Variants in AFF3 observed in about 807,000 individuals in gnomAD.
The protein encoded by AFF3 is ALF transcription elongation factor 3, also known as AF4/FMR2 family member 3.
In AFF3, 32 loss-of-function variants were observed where a neutral mutation model predicts 129.7. That is an observed-to-expected ratio of 0.25 (90% CI 0.19 to 0.33). The LOEUF is 0.33. Among genes scored for constraint, AFF3 ranks in the 10% least tolerant of loss-of-function variants. The pLI is 1.00. For synonymous variants in AFF3, 644 were observed against 635.4 expected (o/e 1.01, Z -0.20); for missense variants, 1,373 against 1,592.0 (o/e 0.86, Z 2.34).
At chr2:99,810,095 CAA>C (rs1686671385) in intron 8 of AFF3, among the ~76,000 whole-genome samples, 1 of 152,204 alleles carries the variant, frequency 6.6e-6, no homozygotes, top group African/African-American at 2.4e-5. Flanking sequence ...TCAGGAATTT[CAA>C]AGTCTTCCTG....
intron 4 of AFF3, among the ~76,000 whole-genome samples, chr2:100,057,726 CAAAG>C (rs1011509193): frequency 1.3e-5 from 2 of 152,106 alleles, no homozygotes; most frequent in Non-Finnish European, 2.9e-5. Context: ...CTCATCTTGA[CAAAG>C]AAATCTTTGT....
intron 10 of AFF3, among the ~76,000 whole-genome samples, chr2:99,740,497 T>C (rs1443907051): frequency 1.4e-5 from 2 of 144,594 alleles, no homozygotes; most frequent in Non-Finnish European, 3.1e-5. Context: ...TTTTTAATGA[T>C]TGCCATTCTA....
At chr2:99,710,782 C>T (rs1290045382) in intron 11 of AFF3, among the ~76,000 whole-genome samples, 1 of 152,176 alleles carries the variant, frequency 6.6e-6, no homozygotes, top group African/African-American at 2.4e-5. Flanking sequence ...GTGGAATTCT[C>T]TGCGGTAGAA....
At position 99,723,507 on chromosome 2, in the gene AFF3, G is replaced by A. The variant is rs1049934975; in HGVS notation, c.1091+3570C>T. Among the ~76,000 whole-genome samples the A allele has an allele frequency of 2.0e-5, 3 of 152,280 alleles. No homozygotes were observed. In the East Asian group the frequency reaches 5.8e-4, roughly 29 times the overall value. On this transcript the variant is annotated intron_variant, in intron 11 of 24. Coordinates refer to ENST00000672756, the MANE Select transcript of AFF3 (RefSeq NM_001386135.1). ...GTTCCACCACACCATGAATATGAGA[G>A]AGGCATCTTTCCCAGTGCCCCATGC... is the stretch of plus-strand genomic sequence containing the variant.
chr2:99,799,017 A>G (rs1685744945), intron 8 of AFF3, among the ~76,000 whole-genome samples: 1 of 152,050 alleles, frequency 6.6e-6, no homozygotes, highest in Non-Finnish European at 1.5e-5. Context: ...TAGTTTCACA[A>G]AGTTGCAGGA....
chr2:99,638,227 T>G (rs1683848003), intron 13 of AFF3, among the ~76,000 whole-genome samples: 1 of 152,044 alleles, frequency 6.6e-6, no homozygotes, highest in East Asian at 1.9e-4. Context: ...ACCCGACTAA[T>G]TTTTGTATTT....
At chr2:99,675,982 T>G (rs933242802) in intron 11 of AFF3, among the ~76,000 whole-genome samples, 1 of 136,488 alleles carries the variant, frequency 7.3e-6, no homozygotes, top group Admixed American at 7.2e-5. Context: ...GATCTCCTAC[T>G]GTTTTTTTTT....
In AFF3 at chr2:99,590,767, C is replaced by T. The variant is rs1345816876; in HGVS notation, c.2466+2428G>A. On this transcript the variant is annotated intron_variant, in intron 15 of 24. Coordinates refer to ENST00000672756, the MANE Select transcript of AFF3 (RefSeq NM_001386135.1). ...CAGCACTTTAGGAGGCCGAGGCAGG[C>T]GGATCACCTGAGGTTGGGAGTTCGA... Among the ~76,000 whole-genome samples the T allele has an allele frequency of 3.9e-5, 6 of 152,094 alleles. No individual in the cohort carries two copies. The South Asian group carries it at 1.0e-3, about 26-fold the overall frequency.
intron 7 of AFF3, among the ~76,000 whole-genome samples, chr2:99,976,062 A>G (rs1471230592): frequency 6.6e-6 from 1 of 151,980 alleles, no homozygotes; most frequent in Non-Finnish European, 1.5e-5. Flanking sequence ...TTTTTCTACA[A>G]TGCTCACAGC....
intron 8 of AFF3, among the ~76,000 whole-genome samples, chr2:99,832,569 G>T (rs992330562): frequency 1.3e-5 from 2 of 152,168 alleles, no homozygotes; most frequent in Non-Finnish European, 2.9e-5. Context: ...AAGGGCTTTT[G>T]GTTTCACCCC....
intron 4 of AFF3, among the ~76,000 whole-genome samples, chr2:100,046,834 T>C (rs914930523): frequency 3.3e-5 from 5 of 152,106 alleles, no homozygotes; most frequent in African/African-American, 1.2e-4. Flanking sequence ...TCTTGTCCAA[T>C]GGCTGTGTAA....
chr2:100,063,946 G>A (rs1048931676), intron 4 of AFF3, among the ~76,000 whole-genome samples: 5 of 151,734 alleles, frequency 3.3e-5, no homozygotes, highest in Non-Finnish European at 7.4e-5. Flanking sequence ...AAACTTAGCC[G>A]GGCATGGTGG....
At chr2:99,804,424 G>A (rs562218137) in intron 8 of AFF3, among the ~76,000 whole-genome samples, 1 of 152,234 alleles carries the variant, frequency 6.6e-6, no homozygotes, top group African/African-American at 2.4e-5. Context: ...TTATTAAAAA[G>A]TCAAAAAACA....
intron 10 of AFF3, 59 bp downstream of exon 10, chr2:99,744,045 T>C (rs1680934715): frequency 2.2e-6 from 3 of 1,393,360 alleles, no homozygotes; most frequent in Admixed American, 1.9e-5. Context: ...CCTCCCCTTC[T>C]GCCCTCTGCC....
chr2:99,672,435 C>G, intron 12 of AFF3, 103 bp downstream of exon 12: 1 of 1,055,364 alleles, frequency 9.5e-7, no homozygotes, highest in Admixed American at 1.8e-5. Flanking sequence ...AGACCAGCAG[C>G]CTGGAGTGCC....
intron 9 of AFF3, among the ~76,000 whole-genome samples, chr2:99,747,000 T>A (rs1681215508): frequency 6.6e-6 from 1 of 151,840 alleles, no homozygotes; most frequent in Non-Finnish European, 1.5e-5. Flanking sequence ...TTTCTAAGAC[T>A]GTTAACACAA....
At chr2:99,560,514 C>T (rs1675373297) in intron 20 of AFF3, 78 bp from the exon 21 acceptor site, 2 of 1,350,378 alleles carry the variant, frequency 1.5e-6, no homozygotes, top group Non-Finnish European at 2.1e-6. Flanking sequence ...TTTTTATTAA[C>T]AGAACTTCTA....
chr2:100,083,082 C>T (rs191342898), intron 4 of AFF3, among the ~76,000 whole-genome samples: 230 of 152,172 alleles, frequency 1.5e-3, no homozygotes, highest in African/African-American at 5.3e-3. Context: ...AAGAGCAAAA[C>T]TCCGTCTCAA....
At chr2:99,715,893 C>T (rs1041245691) in intron 11 of AFF3, among the ~76,000 whole-genome samples, 2 of 152,192 alleles carry the variant, frequency 1.3e-5, no homozygotes, top group African/African-American at 2.4e-5. Flanking sequence ...AGGATGGTCT[C>T]GATCTCCTGA....
Sources: allele counts gnomAD v4.1 joint callset (sites outside exome capture counted in the v4.1 genomes callset), GRCh38; gene constraint gnomAD v4.1.1; transcripts MANE v1.5; gene names NCBI Gene and HGNC (gene_info 2026-07-23, HGNC 2026-07-21).